The following MMP16 variants were observed in gnomAD, a reference collection of about 807,000 sequenced individuals.
The protein encoded by MMP16 is matrix metallopeptidase 16, also known as matrix metalloproteinase-16.
Under a neutral mutation model 67.8 loss-of-function variants are expected in MMP16, and 12 were observed. The ratio of observed to expected loss-of-function variants is 0.18; its 90% CI spans 0.11 to 0.29. MMP16 has a LOEUF of 0.29. MMP16 is among the 10% of genes least tolerant of loss of function. The pLI, the probability that MMP16 is intolerant of heterozygous loss-of-function variation, is 1.00. For synonymous variants in MMP16, 249 were observed against 255.9 expected (o/e 0.97, Z 0.26); for missense variants, 475 against 765.7 (o/e 0.62, Z 4.48).
chr8:88,143,824 TA>T (rs1188934927), intron 4 of MMP16, among the ~76,000 whole-genome samples: 1 of 151,946 alleles, frequency 6.6e-6, no homozygotes, highest in African/African-American at 2.4e-5. Flanking sequence ...CTGATTTCAA[TA>T]TTAGTAAATT....
intron 1 of MMP16, among the ~76,000 whole-genome samples, chr8:88,235,943 C>T (rs1258210779): frequency 1.3e-5 from 2 of 151,880 alleles, no homozygotes; most frequent in South Asian, 2.1e-4. Flanking sequence ...TTTCAAACCT[C>T]ATAAAGTTCA....
At chr8:88,307,253 A>T (rs1811224307) in intron 1 of MMP16, among the ~76,000 whole-genome samples, 1 of 152,158 alleles carries the variant, frequency 6.6e-6, no homozygotes, top group African/African-American at 2.4e-5. Context: ...TAAACTTTTT[A>T]TGTTGCTTAA....
chr8:88,114,689 C>T (rs990800698), intron 6 of MMP16, among the ~76,000 whole-genome samples: 1 of 151,858 alleles, frequency 6.6e-6, no homozygotes, highest in Non-Finnish European at 1.5e-5. Context: ...AGAAATTATT[C>T]TTAGAAAGAA....
chr8:88,258,139 G>A (rs1290978679), intron 1 of MMP16, among the ~76,000 whole-genome samples: 5 of 151,512 alleles, frequency 3.3e-5, no homozygotes, highest in Admixed American at 6.6e-5. Context: ...TCTGCCTCCC[G>A]GGTTCACGTC....
chr8:88,298,754 G>A (rs79244541), intron 1 of MMP16, among the ~76,000 whole-genome samples: 2,726 of 152,096 alleles, frequency 0.018, 46 homozygotes, highest in Non-Finnish European at 0.025. Context: ...TTTCAATTTG[G>A]CGCTATTCTG....
At chr8:88,197,589 T>C (rs932575044) in intron 1 of MMP16, among the ~76,000 whole-genome samples, 1 of 152,136 alleles carries the variant, frequency 6.6e-6, no homozygotes, top group African/African-American at 2.4e-5. Context: ...CTATAGCAAA[T>C]ACTGGATAAA....
chr8:88,217,327 A>C (rs936527099), intron 1 of MMP16, among the ~76,000 whole-genome samples: 1 of 152,088 alleles, frequency 6.6e-6, no homozygotes, highest in Admixed American at 6.5e-5. Flanking sequence ...ATGCATATAC[A>C]TGTTTCTATC....
chr8:88,109,486 G>A (rs1423597409), intron 6 of MMP16, among the ~76,000 whole-genome samples: 3 of 151,274 alleles, frequency 2.0e-5, no homozygotes, highest in Non-Finnish European at 3.0e-5. Flanking sequence ...AAAGCACAAT[G>A]ATAATTACAA....
At chr8:88,182,045 T>C (rs181391805) in intron 3 of MMP16, among the ~76,000 whole-genome samples, 2 of 152,176 alleles carry the variant, frequency 1.3e-5, no homozygotes, top group Admixed American at 1.3e-4. Context: ...ATAAAACTAC[T>C]AAACATCTAG....
chr8:88,204,035 C>A (rs1809387185), intron 1 of MMP16, among the ~76,000 whole-genome samples: 1 of 152,166 alleles, frequency 6.6e-6, no homozygotes, highest in African/African-American at 2.4e-5. Flanking sequence ...ATGTTTCTAT[C>A]ATCACATGAC....
intron 3 of MMP16, among the ~76,000 whole-genome samples, chr8:88,182,621 G>A (rs1049163991): frequency 1.3e-5 from 2 of 152,086 alleles, no homozygotes; most frequent in Non-Finnish European, 1.5e-5. Flanking sequence ...AATGCAAAAT[G>A]GCATAACCAT....
intron 1 of MMP16, among the ~76,000 whole-genome samples, chr8:88,320,869 C>T (rs1223439322): frequency 6.6e-6 from 1 of 152,098 alleles, no homozygotes; most frequent in Non-Finnish European, 1.5e-5. Context: ...CAAGCTATGC[C>T]ACTATCCAAA....
At chr8:88,177,036 T>C (rs1808904388) in intron 3 of MMP16, among the ~76,000 whole-genome samples, 1 of 152,230 alleles carries the variant, frequency 6.6e-6, no homozygotes, top group Non-Finnish European at 1.5e-5. Context: ...TCTTCATTTT[T>C]TGTTCATCTT....
chr8:88,248,721 G>GAAA (rs1810158616), intron 1 of MMP16, among the ~76,000 whole-genome samples: 1 of 151,110 alleles, frequency 6.6e-6, no homozygotes, highest in South Asian at 2.1e-4. Context: ...GTGGCAACTG[G>GAAA]AAAAAGGAGT....
intron 1 of MMP16, among the ~76,000 whole-genome samples, chr8:88,229,388 A>G (rs1809823578): frequency 6.6e-6 from 1 of 152,156 alleles, no homozygotes; most frequent in African/African-American, 2.4e-5. Context: ...AGAAGAAAAA[A>G]GTAACAAATC....
At position 88,130,403 on chromosome 8, in the gene MMP16, C is replaced by T. The variant is rs180901995; in HGVS notation, c.710-11542G>A. The stretch of plus-strand genomic sequence containing the variant: ...GTAACCTAAGTGTCTTCCTTATCTG[C>T]TTTCTTTAGTTTGGATTTAGAGAGG... On this transcript the variant is annotated intron_variant, in intron 4 of 9. Coordinates refer to ENST00000286614, the MANE Select transcript of MMP16 (RefSeq NM_005941.5). 1.1e-4 allele frequency among the ~76,000 whole-genome samples: 17 copies of T among 151,494 alleles called. 1 individual carries two copies. Among genetic ancestry groups the T allele is most frequent in the Admixed American group, 7.9e-4 (12 of 15,154 alleles).
intron 1 of MMP16, among the ~76,000 whole-genome samples, chr8:88,265,468 G>C (rs1037149270): frequency 1.6e-4 from 24 of 152,042 alleles, no homozygotes; most frequent in Non-Finnish European, 3.1e-4. Context: ...TAATGGGAGA[G>C]AATGATCATT....
At chr8:88,190,893 T>A (rs1809160339) in intron 2 of MMP16, among the ~76,000 whole-genome samples, 1 of 152,168 alleles carries the variant, frequency 6.6e-6, no homozygotes, top group Non-Finnish European at 1.5e-5. Flanking sequence ...ACAACTCATA[T>A]AACTGTGCTT....
intron 2 of MMP16, among the ~76,000 whole-genome samples, chr8:88,192,001 C>A (rs1809176397): frequency 6.6e-6 from 1 of 152,198 alleles, no homozygotes; most frequent in South Asian, 2.1e-4. Flanking sequence ...TGCTCTAAGA[C>A]AATATTCACC....
Sources: allele counts gnomAD v4.1 joint callset (sites outside exome capture counted in the v4.1 genomes callset), GRCh38; gene constraint gnomAD v4.1.1; transcripts MANE v1.5; gene names NCBI Gene and HGNC (gene_info 2026-07-23, HGNC 2026-07-21).